TFEC: variants seen among roughly 807,000 people sequenced by gnomAD.
The protein encoded by TFEC is transcription factor EC.
Under a neutral mutation model 41.6 loss-of-function variants are expected in TFEC, and 31 were observed. The observed-to-expected ratio is 0.74, with a 90% CI of 0.56 to 1.01. The LOEUF (loss-of-function observed/expected upper bound fraction) is 1.01, where lower values mean the gene tolerates loss of function less well. Ranked by LOEUF, TFEC falls within the 50% of genes least tolerant of loss-of-function variation. TFEC has a pLI of 0.00. For synonymous variants in TFEC, 143 were observed against 140.6 expected (o/e 1.02, Z -0.12); for missense variants, 402 against 404.1 (o/e 0.99, Z 0.04).
At chr7:116,134,210 T>C (rs1322518685) in intron 1 of TFEC, among the ~76,000 whole-genome samples, 5 of 152,190 alleles carry the variant, frequency 3.3e-5, no homozygotes, top group Non-Finnish European at 5.9e-5. Flanking sequence ...AAATGATCTG[T>C]GTAAGTTCAG....
chr7:116,076,920 A>G (rs538219324), intron 3 of TFEC, among the ~76,000 whole-genome samples: 9 of 152,314 alleles, frequency 5.9e-5, no homozygotes, highest in Admixed American at 2.0e-4. Flanking sequence ...CAAGAAGCTC[A>G]AGGAACATCT....
intron 3 of TFEC, among the ~76,000 whole-genome samples, chr7:116,058,808 C>A (rs1347353476): frequency 1.3e-5 from 2 of 151,272 alleles, no homozygotes; most frequent in Admixed American, 1.3e-4. Context: ...TCAAAAAAAT[C>A]AAAAGGGAAA....
At chr7:116,009,308 C>T (rs1794914509) in intron 1 of TFEC, among the ~76,000 whole-genome samples, 1 of 152,030 alleles carries the variant, frequency 6.6e-6, no homozygotes, top group Non-Finnish European at 1.5e-5. Context: ...TTCATTTTGG[C>T]CTCAAAACAA....
intron 3 of TFEC, among the ~76,000 whole-genome samples, chr7:116,089,296 C>T (rs926710906): frequency 6.6e-6 from 1 of 151,888 alleles, no homozygotes; most frequent in Non-Finnish European, 1.5e-5. Context: ...TTAAGGAACA[C>T]AAGGATGAAT....
At chr7:116,033,854 T>A (rs1387256006), upstream of TFEC, among the ~76,000 whole-genome samples, 1 of 152,184 alleles carries the variant, frequency 6.6e-6, no homozygotes, top group Non-Finnish European at 1.5e-5. Flanking sequence ...CATTTCTTTG[T>A]GCCCTTTTTG....
intron 5 of TFEC, among the ~76,000 whole-genome samples, chr7:115,954,284 C>A (rs1341071451): frequency 1.3e-5 from 2 of 152,036 alleles, no homozygotes; most frequent in African/African-American, 4.8e-5. Flanking sequence ...TCTCTTTAAA[C>A]CTTTGAGTCA....
intron 2 of TFEC, among the ~76,000 whole-genome samples, chr7:115,981,804 A>T (rs915956397): frequency 6.6e-6 from 1 of 151,874 alleles, no homozygotes; most frequent in South Asian, 2.1e-4. Flanking sequence ...AATTATCCAG[A>T]CAAACGGTCA....
At chr7:116,138,062 C>G (rs1333490628) in intron 1 of TFEC, among the ~76,000 whole-genome samples, 6 of 152,058 alleles carry the variant, frequency 3.9e-5, no homozygotes, top group African/African-American at 1.4e-4. Flanking sequence ...ATATACCTAG[C>G]CAAACACAAC....
At chr7:116,088,573 T>C (rs1797252989) in intron 3 of TFEC, among the ~76,000 whole-genome samples, 1 of 152,096 alleles carries the variant, frequency 6.6e-6, no homozygotes, top group African/African-American at 2.4e-5. Context: ...TTAAAAAGCA[T>C]CTAGCAGATA....
chr7:116,073,197 G>C (rs2131029584), intron 3 of TFEC, among the ~76,000 whole-genome samples: 1 of 151,568 alleles, frequency 6.6e-6, no homozygotes, highest in Non-Finnish European at 1.5e-5. Context: ...GTAAGGAATG[G>C]GCAATCCAAA....
chr7:115,953,824 A>G (rs1437456314), intron 5 of TFEC, among the ~76,000 whole-genome samples: 1 of 152,070 alleles, frequency 6.6e-6, no homozygotes, highest in African/African-American at 2.4e-5. Context: ...GTACGTGTAT[A>G]CTCAATTTCA....
chr7:116,149,240 A>G (rs1798711374), intron 1 of TFEC, among the ~76,000 whole-genome samples: 1 of 152,196 alleles, frequency 6.6e-6, no homozygotes, highest in Non-Finnish European at 1.5e-5. Flanking sequence ...AAAGTTGACC[A>G]AGGGGAATAA....
intron 3 of TFEC, among the ~76,000 whole-genome samples, chr7:116,049,292 C>G (rs893282227): frequency 6.6e-6 from 1 of 151,968 alleles, no homozygotes; most frequent in Non-Finnish European, 1.5e-5. Flanking sequence ...GAAGATCTAC[C>G]AAGCAAATGG....
chr7:115,945,696 T>C lies in TFEC; in HGVS notation c.516-3656A>G, dbSNP rs1213712361. On this transcript the variant is annotated intron_variant, in intron 6 of 7. Coordinates refer to ENST00000265440, the MANE Select transcript of TFEC (RefSeq NM_012252.4). ...TACAACACAATAGAAATAAAACAAA[T>C]AATAACCCTCCTTTCTGAGATTCAT... is the stretch of plus-strand genomic sequence containing the variant. 2.0e-5 allele frequency among the ~76,000 whole-genome samples: 3 copies of C among 151,672 alleles called. 1 individual carries two copies. The highest frequency in any genetic ancestry group is 7.2e-5 in the African/African-American group (3 of 41,392).
intron 1 of TFEC, among the ~76,000 whole-genome samples, chr7:116,148,902 GA>G (rs375596657): frequency 9.8e-4 from 135 of 137,632 alleles, no homozygotes; most frequent in African/African-American, 2.0e-3. Context: ...TGTAGATACA[GA>G]AAAAAAAAAA....
At chr7:115,941,114 CTG>C in intron 7 of TFEC, 183 bp from the exon 8 acceptor site, 1 of 628,420 alleles carries the variant, frequency 1.6e-6, no homozygotes. Context: ...AAAAATAACT[CTG>C]AGAAAATTAC....
Position 116,099,656 on chromosome 7 carries a change from T to C in TFEC, c.198+11052A>G, listed in dbSNP as rs1797559142. ...TTTTGAGTGAAGCTGTCTTAAAATA[T>C]CAATCTCCAGGACACTCACCCAACA... On this transcript the variant is annotated intron_variant, in intron 3 of 8. Coordinates refer to the TFEC transcript ENST00000484212. Among the ~76,000 whole-genome samples the C allele has an allele frequency of 4.6e-5, 7 of 152,186 alleles. No individual in the cohort carries two copies. The South Asian group carries it at 1.2e-3, about 27-fold the overall frequency.
At chr7:116,075,064 T>C (rs1226852005) in intron 3 of TFEC, among the ~76,000 whole-genome samples, 2 of 152,072 alleles carry the variant, frequency 1.3e-5, no homozygotes, top group Non-Finnish European at 2.9e-5. Flanking sequence ...GGACTGCAAA[T>C]AGATATGATG....
intron 3 of TFEC, among the ~76,000 whole-genome samples, chr7:116,100,946 T>G (rs1459181214): frequency 1.3e-5 from 2 of 151,946 alleles, no homozygotes; most frequent in Non-Finnish European, 2.9e-5. Context: ...AAGCAAATGT[T>G]TTTTTTTCCT....
Sources: allele counts gnomAD v4.1 joint callset (sites outside exome capture counted in the v4.1 genomes callset), GRCh38; gene constraint gnomAD v4.1.1; transcripts MANE v1.5; gene names NCBI Gene and HGNC (gene_info 2026-07-23, HGNC 2026-07-21).